The following DCC variants were observed in gnomAD, a reference collection of about 807,000 sequenced individuals.
The protein encoded by DCC is DCC netrin 1 receptor.
In DCC, 58 loss-of-function variants were observed where a neutral mutation model predicts 172.5. That is an observed-to-expected ratio of 0.34 (90% CI 0.27 to 0.42). The LOEUF is 0.42. DCC is among the 10% of genes least tolerant of loss of function. The probability of loss-of-function intolerance (pLI) is 1.00; values close to 1 mark genes in which losing one functional copy is unlikely to be tolerated. For missense variants in DCC, 1,740 were observed against 1,791.0 expected, an observed-to-expected ratio of 0.97 and a Z score of 0.51; for synonymous variants, 709 against 644.5, an observed-to-expected ratio of 1.10 and a Z score of -1.52.
chr18:53,214,918 C>T (rs1432782111), intron 11 of DCC, among the ~76,000 whole-genome samples: 1 of 152,040 alleles, frequency 6.6e-6, no homozygotes, highest in Non-Finnish European at 1.5e-5. Context: ...GCAAGAAAAA[C>T]AAAATACCGT....
intron 1 of DCC, among the ~76,000 whole-genome samples, chr18:52,743,937 T>C (rs1463842864): frequency 6.6e-6 from 1 of 152,190 alleles, no homozygotes; most frequent in Non-Finnish European, 1.5e-5. Flanking sequence ...GACACTAAAA[T>C]CACTTCCTGA....
chr18:52,612,067 G>T (rs1026466879), intron 1 of DCC, among the ~76,000 whole-genome samples: 1 of 152,142 alleles, frequency 6.6e-6, no homozygotes, highest in Non-Finnish European at 1.5e-5. Context: ...GTGGGTTGAT[G>T]ACTCTCCTGT....
rs145726269 is a variant in DCC at position 53,438,936 on chromosome 18, G to T, written c.3229+3727G>T. On this transcript the variant is annotated intron_variant, in intron 22 of 28. Coordinates refer to ENST00000442544, the MANE Select transcript of DCC (RefSeq NM_005215.4). ...TCAGTAGCTTTGAAGCAGTTTAGAT[G>T]CGTTATTGACATTACTTCTTCCCAA... Among the ~76,000 whole-genome samples the T allele has an allele frequency of 7.7e-4, 118 of 152,264 alleles. 2 individuals are homozygous for T. In the East Asian group the frequency reaches 0.02, roughly 26 times the overall value.
chr18:52,456,252 G>A (rs347539), intron 1 of DCC, among the ~76,000 whole-genome samples: 120,479 of 152,084 alleles, frequency 0.79, 48,590 homozygotes, highest in African/African-American at 0.94. Flanking sequence ...GTCTTATAGT[G>A]ATTATTATTG....
chr18:52,863,080 C>G (rs1262674857), intron 2 of DCC, among the ~76,000 whole-genome samples: 4 of 152,008 alleles, frequency 2.6e-5, no homozygotes, highest in Non-Finnish European at 4.4e-5. Flanking sequence ...TTCTTTCTTT[C>G]CCTTTTTATA....
intron 13 of DCC, among the ~76,000 whole-genome samples, 189 bp from the exon 14 acceptor site, chr18:53,321,857 AT>A (rs1428922922): frequency 1.3e-5 from 2 of 152,258 alleles, no homozygotes; most frequent in African/African-American, 4.8e-5. Flanking sequence ...ATAAGAATGT[AT>A]AAAAATTAAT....
chr18:53,177,100 A>G (rs1335527282), intron 8 of DCC, among the ~76,000 whole-genome samples: 2 of 150,486 alleles, frequency 1.3e-5, no homozygotes, highest in Non-Finnish European at 3.0e-5. Flanking sequence ...AACACCGCAT[A>G]TTCTCACTCA....
At chr18:52,920,361 GAAAT>G (rs941311728) in intron 3 of DCC, among the ~76,000 whole-genome samples, 1 of 151,856 alleles carries the variant, frequency 6.6e-6, no homozygotes, top group African/African-American at 2.4e-5. Flanking sequence ...TAAAAGGAAA[GAAAT>G]AAATTTAAAA....
At chr18:53,147,788 G>C (rs1385206060) in intron 7 of DCC, among the ~76,000 whole-genome samples, 1 of 152,122 alleles carries the variant, frequency 6.6e-6, no homozygotes, top group African/African-American at 2.4e-5. Context: ...CATTTCCACA[G>C]CTATCCTGAC....
At chr18:53,505,715 C>T (rs2046164806) in intron 27 of DCC, among the ~76,000 whole-genome samples, 1 of 151,996 alleles carries the variant, frequency 6.6e-6, no homozygotes, top group African/African-American at 2.4e-5. Flanking sequence ...ACTTTGTAAC[C>T]TAATAGAAGA....
chr18:53,043,623 G>A (rs1400099639), intron 5 of DCC, among the ~76,000 whole-genome samples: 2 of 151,794 alleles, frequency 1.3e-5, no homozygotes, highest in Admixed American at 1.3e-4. Flanking sequence ...CACTTTATGA[G>A]TTTTCTTTGC....
At chr18:52,603,048 G>A (rs1406905162) in intron 1 of DCC, among the ~76,000 whole-genome samples, 8 of 152,038 alleles carry the variant, frequency 5.3e-5, no homozygotes, top group Admixed American at 3.3e-4. Context: ...TCAAAACACA[G>A]TGCTTTTGAA....
chr18:52,844,536 C>T (rs566471958), intron 2 of DCC, among the ~76,000 whole-genome samples: 1 of 152,262 alleles, frequency 6.6e-6, no homozygotes, highest in Admixed American at 6.5e-5. Flanking sequence ...ACCATTTCCT[C>T]AGTGACTCAT....
At chr18:52,464,505 C>G (rs955983796) in intron 1 of DCC, among the ~76,000 whole-genome samples, 1 of 152,160 alleles carries the variant, frequency 6.6e-6, no homozygotes, top group Admixed American at 6.5e-5. Context: ...TGGTGACTTT[C>G]CCATCAGATC....
intron 1 of DCC, among the ~76,000 whole-genome samples, chr18:52,380,333 A>T (rs2144322196): frequency 6.6e-6 from 1 of 152,282 alleles, no homozygotes; most frequent in Non-Finnish European, 1.5e-5. Flanking sequence ...CTTGCAAATT[A>T]GCAAGATAAT....
intron 1 of DCC, among the ~76,000 whole-genome samples, chr18:52,480,961 C>A (rs1280840676): frequency 3.3e-5 from 5 of 151,940 alleles, no homozygotes; most frequent in Admixed American, 1.3e-4. Flanking sequence ...AATTTATTTC[C>A]TTTTTCAAAC....
chr18:52,671,532 CTTTT>C (rs761856360), intron 1 of DCC, among the ~76,000 whole-genome samples: 40 of 116,984 alleles, frequency 3.4e-4, no homozygotes, highest in Non-Finnish European at 6.1e-4. Context: ...ATATGCCAAC[CTTTT>C]TTTTTTTTTT....
intron 2 of DCC, among the ~76,000 whole-genome samples, chr18:52,824,979 T>C (rs1223199741): frequency 6.6e-6 from 1 of 151,844 alleles, no homozygotes; most frequent in African/African-American, 2.4e-5. Context: ...TATATATATA[T>C]ATATGTCTTG....
At chr18:53,061,684 T>C (rs192793533) in intron 5 of DCC, among the ~76,000 whole-genome samples, 1 of 152,256 alleles carries the variant, frequency 6.6e-6, no homozygotes, top group African/African-American at 2.4e-5. Flanking sequence ...CAAATCACTT[T>C]AGTACATAGG....
Sources: allele counts gnomAD v4.1 joint callset (sites outside exome capture counted in the v4.1 genomes callset), GRCh38; gene constraint gnomAD v4.1.1; transcripts MANE v1.5; gene names NCBI Gene and HGNC (gene_info 2026-07-23, HGNC 2026-07-21).